Variants in PM20D2 observed in about 807,000 individuals in gnomAD.
PM20D2 encodes the protein xaa-Arg dipeptidase.
A neutral mutation model predicts 42.9 loss-of-function variants in PM20D2; 33 were observed. The ratio of observed to expected loss-of-function variants is 0.77; its 90% CI spans 0.58 to 1.03. The LOEUF is 1.03. Ranked by LOEUF, PM20D2 falls within the 50% of genes least tolerant of loss-of-function variation. The probability of loss-of-function intolerance (pLI) is 0.00; values close to 1 mark genes in which losing one functional copy is unlikely to be tolerated. For missense variants in PM20D2, 548 were observed against 557.0 expected (o/e 0.98, Z 0.16); for synonymous variants, 250 against 228.2 (o/e 1.10, Z -0.86).
At chr6:89,161,988 C>A in intron 6 of PM20D2, 98 bp downstream of exon 6, 1 of 1,475,968 alleles carries the variant, frequency 6.8e-7, no homozygotes, top group Non-Finnish European at 9.4e-7. Context: ...ATAACATCAC[C>A]TCAGTAAATA....
chr6:89,165,430 G>C lies in PM20D2; in HGVS notation c.*3167G>C, dbSNP rs1425915325. On this transcript the variant is annotated 3_prime_UTR_variant, in exon 7 of 7. Coordinates refer to ENST00000275072, the MANE Select transcript of PM20D2 (RefSeq NM_001010853.3). ...GCAGTCCAATTATATAGTTGAGGAT[G>C]GTGTATTTTGATATGTATGAAGTTA... 2.6e-5 allele frequency: 4 copies of C among 152,024 alleles called. No homozygotes were observed. The highest frequency in any genetic ancestry group is 7.2e-5 in the African/African-American group (3 of 41,400). The allele number at this position is 152,024 out of a possible 1,614,324, so 9.4% of individuals were successfully genotyped here.
At chr6:89,131,172 C>G in the PM20D2 span, among the ~76,000 whole-genome samples, 1 of 152,022 alleles carries the variant, frequency 6.6e-6, no homozygotes, top group Non-Finnish European at 1.5e-5. Context: ...CCACTAATCC[C>G]ACTCCCAAGA....
At chr6:89,103,331 C>CT in the PM20D2 span, among the ~76,000 whole-genome samples, 407 of 141,348 alleles carry the variant, frequency 2.9e-3, no homozygotes, top group Middle Eastern at 3.8e-3. Flanking sequence ...AATTTAAATT[C>CT]TTTTTTTTTT....
Position 89,146,118 on chromosome 6 carries a change from G to T in PM20D2, c.-27G>T. 1 of 1,417,022 alleles carries T rather than the reference G, an allele frequency of 7.1e-7. No homozygotes were observed. Among genetic ancestry groups the T allele is most frequent in the East Asian group, 2.8e-5 (1 of 35,940 alleles). The allele number at this position is 1,417,022 out of a possible 1,614,324, so 87.8% of individuals were successfully genotyped here. ...TGCGGCCGAGCCAGGGAGCGAGAGG[G>T]CGCAGAGGGCAGCGGGCTTGGGCAG... is the stretch of plus-strand genomic sequence containing the variant. On this transcript the variant is annotated 5_prime_UTR_variant, in exon 1 of 7. Transcript: ENST00000275072.
the PM20D2 span, among the ~76,000 whole-genome samples, chr6:89,130,062 G>A: frequency 1.5e-5 from 2 of 131,450 alleles, no homozygotes; most frequent in African/African-American, 2.8e-5. Context: ...AAAAAAAAAA[G>A]TATACAACAC....
the PM20D2 span, chr6:89,105,609 A>C: frequency 2.4e-5 from 25 of 1,023,538 alleles, no homozygotes; most frequent in East Asian, 6.7e-4. Context: ...ATGTGAAATG[A>C]AATTAATAGG....
At position 89,158,327 on chromosome 6, in the gene PM20D2, G is replaced by A. The variant is rs1396600485; in HGVS notation, c.915G>A (p.Val305=). 2 of 1,564,292 alleles carry A rather than the reference G, an allele frequency of 1.3e-6. No homozygotes were observed. The highest frequency in any genetic ancestry group is 1.7e-6 in the Non-Finnish European group (2 of 1,161,722). The change falls in exon 5 of 7, where the codon GTG becomes GTA. Residue 305 remains valine, a splice_region_variant and synonymous_variant. Transcript: ENST00000275072. ...TTTGTTTTGCAATTTTTTATTAGGT[G>A]GAAATTAAAGGTGGAGCACATGATT... ...RAAALASGCT[V]EIKGGAHDYY...
chr6:89,101,732 C>T, the PM20D2 span, among the ~76,000 whole-genome samples: 1 of 151,936 alleles, frequency 6.6e-6, no homozygotes, highest in Non-Finnish European at 1.5e-5. Context: ...ATCTGAAAAC[C>T]TTGCCAGAGA....
rs1307530504 is a variant in PM20D2 at position 89,146,180 on chromosome 6, C to T, written c.36C>T (p.Gly12=). The T allele has an allele frequency of 3.9e-6, 6 of 1,531,616 alleles. No homozygotes were observed. The highest frequency in any genetic ancestry group is 1.2e-5 in the South Asian group (1 of 81,532). The allele number at this position is 1,531,616 out of a possible 1,614,324, so 94.9% of individuals were successfully genotyped here. The change falls in exon 1 of 7, where the codon GGC becomes GGT. Residue 12 remains glycine (G), a synonymous_variant. Transcript: ENST00000275072. ...GAGGGGAGCGGCCCGTGGAAGGGGG[C>T]GCGTGCAATGGCCGCTCCGAGCTGG... ...RPGGERPVEG[G]ACNGRSELEL...
chr6:89,154,601 C>A, intron 3 of PM20D2, 147 bp from the exon 4 acceptor site: 1 of 549,414 alleles, frequency 1.8e-6, no homozygotes, highest in Non-Finnish European at 3.1e-6. Flanking sequence ...TACAACATAA[C>A]AAAATCTTTG....
At chr6:89,112,560 G>A in the PM20D2 span, among the ~76,000 whole-genome samples, 5 of 149,120 alleles carry the variant, frequency 3.4e-5, no homozygotes, top group Middle Eastern at 0.011. Flanking sequence ...CTACAGGCAC[G>A]CATCACCATG....
At chr6:89,145,355 T>C (rs1770490729), upstream of PM20D2, among the ~76,000 whole-genome samples, 1 of 152,246 alleles carries the variant, frequency 6.6e-6, no homozygotes, top group Non-Finnish European at 1.5e-5. Context: ...ATATGTTCCC[T>C]TTCAAAGCTG....
chr6:89,110,097 A>G, the PM20D2 span, among the ~76,000 whole-genome samples: 3 of 152,192 alleles, frequency 2.0e-5, no homozygotes, highest in Non-Finnish European at 4.4e-5. Flanking sequence ...TCTCAAAAAA[A>G]AAAAATTATT....
At chr6:89,139,813 C>A in the PM20D2 span, among the ~76,000 whole-genome samples, 1 of 152,260 alleles carries the variant, frequency 6.6e-6, no homozygotes, top group African/African-American at 2.4e-5. Flanking sequence ...GAGAGAGGTT[C>A]TGGGGGAAAA....
the PM20D2 span, chr6:89,105,350 A>C: frequency 6.4e-7 from 1 of 1,562,578 alleles, no homozygotes; most frequent in Non-Finnish European, 8.7e-7. Flanking sequence ...TACTGAAAGA[A>C]TTTTAAATTA....
the PM20D2 span, among the ~76,000 whole-genome samples, chr6:89,128,656 T>C: frequency 6.6e-6 from 1 of 152,158 alleles, no homozygotes; most frequent in Non-Finnish European, 1.5e-5. Context: ...CCCTCCCCTT[T>C]TGAAACCCTT....
the PM20D2 span, chr6:89,098,564 C>A: frequency 6.3e-7 from 1 of 1,593,942 alleles, no homozygotes; most frequent in South Asian, 1.1e-5. Flanking sequence ...GCGTGGTGCT[C>A]TTTCTGTTGC....
In PM20D2 at chr6:89,161,772, T is replaced by C. The variant is rs752998647; in HGVS notation, c.1049-11T>C. 1.9e-6 allele frequency: 3 copies of C among 1,575,318 alleles called. No homozygotes were observed. Among genetic ancestry groups the C allele is most frequent in the South Asian group, 1.1e-5 (1 of 90,256 alleles). On this transcript the variant is annotated splice_polypyrimidine_tract_variant and intron_variant, in intron 5 of 6. Coordinates refer to ENST00000275072, the MANE Select transcript of PM20D2 (RefSeq NM_001010853.3). The stretch of plus-strand genomic sequence containing the variant: ...CTTAAATAGACTTTTCTTAACTTTG[T>C]GTGTTCCAAGGATCTACGGATTTTG...
intron 5 of PM20D2, among the ~76,000 whole-genome samples, chr6:89,158,941 A>C (rs1402742133): frequency 6.6e-6 from 1 of 152,022 alleles, no homozygotes; most frequent in East Asian, 1.9e-4. Flanking sequence ...CAAGTTAGAG[A>C]TGTATCATCT....
Sources: gnomAD v4.1 joint callset for allele counts (sites outside exome capture counted in the v4.1 genomes callset) on GRCh38, gnomAD v4.1.1 for gene constraint, MANE v1.5 for transcripts, NCBI Gene and HGNC (gene_info 2026-07-23, HGNC 2026-07-21) for gene names.